The following LYRM7 variants were observed in gnomAD, a reference collection of about 807,000 sequenced individuals.
LYRM7 encodes the protein LYR motif containing 7, also known as complex III assembly factor LYRM7.
A neutral mutation model predicts 15.8 loss-of-function variants in LYRM7; 9 were observed. The observed-to-expected ratio is 0.57, with a 90% CI of 0.34 to 0.99. The LOEUF (loss-of-function observed/expected upper bound fraction) is 0.99. Ranked by LOEUF, LYRM7 falls within the 50% of genes least tolerant of loss-of-function variation. The pLI, the probability that LYRM7 is intolerant of heterozygous loss-of-function variation, is 0.02. For missense variants in LYRM7, 115 were observed against 119.1 expected (o/e 0.97, Z 0.16); for synonymous variants, 39 against 39.4 (o/e 0.99, Z 0.04).
intron 1 of LYRM7, among the ~76,000 whole-genome samples, chr5:131,178,160 G>C (rs929278092): frequency 6.6e-6 from 1 of 152,008 alleles, no homozygotes; most frequent in Non-Finnish European, 1.5e-5. Context: ...TGATGTTATA[G>C]GTTTTCTAAT....
At chr5:131,192,787 G>A (rs942013171) in intron 4 of LYRM7, among the ~76,000 whole-genome samples, 1 of 151,742 alleles carries the variant, frequency 6.6e-6, no homozygotes, top group Non-Finnish European at 1.5e-5. Flanking sequence ...ATTCATCATT[G>A]GTCTAGCATA....
At chr5:131,188,232 G>A (rs930275993) in intron 4 of LYRM7, among the ~76,000 whole-genome samples, 1 of 152,032 alleles carries the variant, frequency 6.6e-6, no homozygotes, top group Non-Finnish European at 1.5e-5. Flanking sequence ...ACTCCAGCCT[G>A]GGCGACAGAG....
chr5:131,198,681 C>T (rs570358219), intron 4 of LYRM7, among the ~76,000 whole-genome samples: 1 of 152,056 alleles, frequency 6.6e-6, no homozygotes, highest in East Asian at 1.9e-4. Context: ...ATTCTTGTGC[C>T]TCATTCTCCT....
At chr5:131,182,714 G>T (rs1471406799) in intron 3 of LYRM7, among the ~76,000 whole-genome samples, 2 of 152,172 alleles carry the variant, frequency 1.3e-5, no homozygotes, top group African/African-American at 2.4e-5. Flanking sequence ...ACAAACAGCC[G>T]CAGTATGAAC....
At chr5:131,186,908 A>T in intron 3 of LYRM7, 120 bp from the exon 4 acceptor site, 1 of 614,990 alleles carries the variant, frequency 1.6e-6, no homozygotes, top group Non-Finnish European at 2.9e-6. Context: ...GAAACTGCAG[A>T]TAAGGAGAAA....
intron 4 of LYRM7, among the ~76,000 whole-genome samples, chr5:131,196,377 A>C (rs556482277): frequency 3.9e-5 from 6 of 152,196 alleles, no homozygotes; most frequent in African/African-American, 1.4e-4. Context: ...CCAAGCAAAA[A>C]AAAAGTTATT....
chr5:131,187,462 G>C (rs1469427935), intron 4 of LYRM7, among the ~76,000 whole-genome samples: 3 of 148,986 alleles, frequency 2.0e-5, no homozygotes, highest in African/African-American at 7.5e-5. Context: ...AATGAGTTTT[G>C]TTTTTTGTTT....
intron 1 of LYRM7, among the ~76,000 whole-genome samples, chr5:131,175,503 C>T (rs115324719): frequency 1.7e-3 from 262 of 151,912 alleles, no homozygotes; most frequent in African/African-American, 6.0e-3. Context: ...CAACCACGCT[C>T]GGCCTTTTTT....
chr5:131,186,167 T>G (rs10478972), intron 3 of LYRM7, among the ~76,000 whole-genome samples: 14,025 of 152,174 alleles, frequency 0.092, 1,457 homozygotes, highest in African/African-American at 0.25. Context: ...TATTATTTGA[T>G]GAGGTCTGAA....
At chr5:131,198,845 A>G (rs1469699413) in intron 4 of LYRM7, among the ~76,000 whole-genome samples, 1 of 151,868 alleles carries the variant, frequency 6.6e-6, no homozygotes, top group Non-Finnish European at 1.5e-5. Context: ...TTCTAGGATT[A>G]CAGCCGTGAG....
intron 3 of LYRM7, among the ~76,000 whole-genome samples, chr5:131,182,714 G>A (rs1471406799): frequency 6.6e-6 from 1 of 152,172 alleles, no homozygotes; most frequent in Admixed American, 6.5e-5. Context: ...ACAAACAGCC[G>A]CAGTATGAAC....
chr5:131,195,557 G>C (rs1399472105), intron 4 of LYRM7, among the ~76,000 whole-genome samples: 1 of 152,126 alleles, frequency 6.6e-6, no homozygotes, highest in African/African-American at 2.4e-5. Context: ...TCCAGACAAA[G>C]ATTAGATATA....
chr5:131,195,978 A>G (rs1193135622), intron 4 of LYRM7, among the ~76,000 whole-genome samples: 5 of 152,212 alleles, frequency 3.3e-5, no homozygotes, highest in Non-Finnish European at 7.3e-5. Flanking sequence ...ATTTCAGTCT[A>G]GATGAGACCT....
rs1402746189 is a variant in LYRM7, at chr5:131,201,023, A to G, written c.*1422A>G. Reference sequence around the variant, plus strand: ...GATAGTGGCTTAGAAATTTTAAGATATATTGATATAGGCCCGGGCGCTGTG... The same window carrying G: ...GATAGTGGCTTAGAAATTTTAAGATGTATTGATATAGGCCCGGGCGCTGTG... On this transcript the variant is annotated 3_prime_UTR_variant, in exon 5 of 5. Transcript: ENST00000379380. The G allele has an allele frequency of 2.0e-5, 3 of 152,100 alleles. No homozygotes were observed. The highest frequency in any genetic ancestry group is 2.9e-5 in the Non-Finnish European group (2 of 68,002). The allele number at this position is 152,100 out of a possible 1,614,324, so 9.4% of individuals were successfully genotyped here. A position where few individuals can be genotyped will look rare whatever the true frequency, so the allele number is the denominator to read the frequency against.
chr5:131,195,901 C>T (rs1755955122), intron 4 of LYRM7, among the ~76,000 whole-genome samples: 1 of 152,124 alleles, frequency 6.6e-6, no homozygotes, highest in South Asian at 2.1e-4. Flanking sequence ...CCCAGTATCT[C>T]CACCTTAGAA....
At chr5:131,175,103 C>T (rs1309171163) in intron 1 of LYRM7, among the ~76,000 whole-genome samples, 2 of 151,464 alleles carry the variant, frequency 1.3e-5, no homozygotes, top group Admixed American at 1.3e-4. Context: ...ATTTGTAGAG[C>T]ACAGGTAGAG....
intron 4 of LYRM7, 59 bp from the exon 5 acceptor site, chr5:131,199,472 C>A (rs910553661): frequency 8.5e-7 from 1 of 1,181,808 alleles, no homozygotes; most frequent in Non-Finnish European, 1.2e-6. Context: ...AATGAGTGTC[C>A]TTGCATTTAA....
At chr5:131,184,344 A>T (rs1404233094) in intron 3 of LYRM7, among the ~76,000 whole-genome samples, 1 of 152,046 alleles carries the variant, frequency 6.6e-6, no homozygotes, top group Non-Finnish European at 1.5e-5. Flanking sequence ...AAAAGAGTAA[A>T]ACAATTAGAT....
At position 131,177,998 on chromosome 5, in the gene LYRM7, T is replaced by G. The variant is rs140085206; in HGVS notation, c.19-2097T>G. On this transcript the variant is annotated intron_variant, in intron 1 of 4. Transcript: ENST00000379380. ...ATAGCCAAGAGCTTTTGGGAGTTTT[T>G]GGAATGTTCCTTTTTAAATTTACTG... Among the ~76,000 whole-genome samples, 23 of 152,352 alleles carry G rather than the reference T, an allele frequency of 1.5e-4. 1 individual carries two copies. In the East Asian group the frequency reaches 4.4e-3, roughly 29 times the overall value.
Sources: allele counts gnomAD v4.1 joint callset (sites outside exome capture counted in the v4.1 genomes callset), GRCh38; gene constraint gnomAD v4.1.1; transcripts MANE v1.5; gene names NCBI Gene and HGNC (gene_info 2026-07-23, HGNC 2026-07-21).